NRXN3: variants seen among roughly 807,000 people sequenced by gnomAD.
The protein encoded by NRXN3 is neurexin 3.
A neutral mutation model predicts 137.6 loss-of-function variants in NRXN3; 32 were observed. The ratio of observed to expected loss-of-function variants is 0.23; its 90% CI spans 0.18 to 0.31. The LOEUF (loss-of-function observed/expected upper bound fraction) is 0.31, where lower values mean the gene tolerates loss of function less well. Ranked by LOEUF, NRXN3 falls within the 10% of genes least tolerant of loss-of-function variation. The pLI is 1.00. For synonymous variants in NRXN3, 798 were observed against 784.5 expected, an observed-to-expected ratio of 1.02 and a Z score of -0.29; for missense variants, 1,574 against 2,062.5, an observed-to-expected ratio of 0.76 and a Z score of 4.59.
chr14:78,580,949 T>C (rs564313139), intron 4 of NRXN3, among the ~76,000 whole-genome samples: 18 of 152,332 alleles, frequency 1.2e-4, no homozygotes, highest in African/African-American at 4.3e-4. Flanking sequence ...ACCATGACCC[T>C]TCCTGTCACA....
At chr14:79,400,101 A>G (rs1264366323) in intron 15 of NRXN3, among the ~76,000 whole-genome samples, 1 of 152,226 alleles carries the variant, frequency 6.6e-6, no homozygotes, top group Non-Finnish European at 1.5e-5. Context: ...ATATGACCTC[A>G]TTTAAACTAA....
chr14:79,427,539 G>T (rs571506960), intron 15 of NRXN3, among the ~76,000 whole-genome samples: 104 of 152,216 alleles, frequency 6.8e-4, no homozygotes, highest in Middle Eastern at 6.8e-3. Context: ...AAGTCTGGAC[G>T]CAGTGGCTCA....
chr14:79,528,668 AAGT>A (rs1369747659), intron 16 of NRXN3, among the ~76,000 whole-genome samples: 1 of 149,682 alleles, frequency 6.7e-6, no homozygotes, highest in Non-Finnish European at 1.5e-5. Context: ...TAAAAAAAAA[AAGT>A]AGTTTTTTTT....
At chr14:78,436,903 A>C (rs2094087063) in intron 4 of NRXN3, among the ~76,000 whole-genome samples, 1 of 152,212 alleles carries the variant, frequency 6.6e-6, no homozygotes, top group Non-Finnish European at 1.5e-5. Flanking sequence ...TATTTCATGT[A>C]ATATCCATGA....
chr14:79,029,666 A>C (rs1372908126), intron 15 of NRXN3, among the ~76,000 whole-genome samples: 1 of 152,146 alleles, frequency 6.6e-6, no homozygotes, highest in Non-Finnish European at 1.5e-5. Flanking sequence ...GCCTCTACAC[A>C]GTAGCTGCCA....
chr14:79,676,954 T>C (rs2154006465), intron 17 of NRXN3, among the ~76,000 whole-genome samples: 1 of 152,190 alleles, frequency 6.6e-6, no homozygotes, highest in Admixed American at 6.5e-5. Context: ...ACATAGTAGG[T>C]AATCAGTAAA....
chr14:79,747,730 C>T (rs1341009046), intron 19 of NRXN3, among the ~76,000 whole-genome samples: 1 of 152,080 alleles, frequency 6.6e-6, no homozygotes, highest in African/African-American at 2.4e-5. Context: ...AAAATCAAAG[C>T]ACTCTAGAGG....
intron 18 of NRXN3, among the ~76,000 whole-genome samples, chr14:79,694,264 C>T (rs1284408656): frequency 6.6e-6 from 1 of 151,864 alleles, no homozygotes; most frequent in Non-Finnish European, 1.5e-5. Flanking sequence ...AATAATACTG[C>T]CTATTCCCCA....
Position 79,549,012 on chromosome 14 carries a change from T to C in NRXN3, c.3444+81610T>C, listed in dbSNP as rs113908812. ...AGTGGCAGGTTAGGTCCATGGGAGA[T>C]TGGATTCCACTGTGATCAGCAAACA... is the stretch of plus-strand genomic sequence containing the variant. On this transcript the variant is annotated intron_variant, in intron 16 of 20. Coordinates refer to ENST00000335750, the MANE Select transcript of NRXN3 (RefSeq NM_001330195.2). 8.6e-4 allele frequency among the ~76,000 whole-genome samples: 131 copies of C among 152,154 alleles called. 3 individuals carry two copies. The Middle Eastern group carries it at 0.017, about 20-fold the overall frequency.
chr14:79,492,254 A>T (rs889128571), intron 16 of NRXN3, among the ~76,000 whole-genome samples: 1 of 152,240 alleles, frequency 6.6e-6, no homozygotes, highest in Non-Finnish European at 1.5e-5. Flanking sequence ...CACCCTAAAC[A>T]TAATTATATG....
chr14:78,484,150 A>AGAATGTTAAT (rs1189377110), intron 4 of NRXN3, among the ~76,000 whole-genome samples: 10 of 152,176 alleles, frequency 6.6e-5, no homozygotes, highest in African/African-American at 2.4e-4. Flanking sequence ...ATGTTAATGC[A>AGAATGTTAAT]GCTGCGGAAT....
At chr14:79,019,802 G>A (rs1187392558) in intron 15 of NRXN3, among the ~76,000 whole-genome samples, 11 of 152,136 alleles carry the variant, frequency 7.2e-5, no homozygotes, top group Non-Finnish European at 1.6e-4. Flanking sequence ...ACCAATGACA[G>A]TGGATTGGTG....
At chr14:78,685,138 T>A (rs961651862) in intron 6 of NRXN3, among the ~76,000 whole-genome samples, 6 of 152,216 alleles carry the variant, frequency 3.9e-5, no homozygotes, top group Admixed American at 2.0e-4. Context: ...TAAAGTGATC[T>A]GGGCATGAGT....
At chr14:79,251,226 C>G (rs1184073244) in intron 15 of NRXN3, among the ~76,000 whole-genome samples, 4 of 152,144 alleles carry the variant, frequency 2.6e-5, no homozygotes, top group Admixed American at 6.5e-5. Context: ...GTAGCAGGCC[C>G]TATTCGAGAA....
At chr14:79,256,805 GA>G (rs1324525240) in intron 15 of NRXN3, among the ~76,000 whole-genome samples, 3 of 152,038 alleles carry the variant, frequency 2.0e-5, no homozygotes, top group African/African-American at 7.2e-5. Context: ...TCTTCCTTTG[GA>G]AAAAGAACAA....
At chr14:78,415,428 T>C (rs1197569754) in intron 4 of NRXN3, among the ~76,000 whole-genome samples, 1 of 152,146 alleles carries the variant, frequency 6.6e-6, no homozygotes, top group Non-Finnish European at 1.5e-5. Context: ...AGTTGAGGGG[T>C]TGACTGGGTA....
chr14:79,532,042 T>A lies in NRXN3; in HGVS notation c.3444+64640T>A, dbSNP rs149641152. On this transcript the variant is annotated intron_variant, in intron 16 of 20. Coordinates refer to ENST00000335750, the MANE Select transcript of NRXN3 (RefSeq NM_001330195.2). ...GTGATCAGGGGTGAAAAGTGTCATT[T>A]CTGGGCTGAGGCAGTTTATAGTCAT... Among the ~76,000 whole-genome samples the A allele has an allele frequency of 1.4e-3, 211 of 152,284 alleles. 2 individuals carry two copies. The highest frequency in any genetic ancestry group is 4.8e-3 in the African/African-American group (200 of 41,560).
At chr14:79,797,154 A>T (rs1044724414) in intron 19 of NRXN3, among the ~76,000 whole-genome samples, 2 of 152,192 alleles carry the variant, frequency 1.3e-5, no homozygotes, top group African/African-American at 4.8e-5. Flanking sequence ...ATATTTTTTT[A>T]ATTCAGTTTT....
chr14:79,608,782 AT>A (rs1007417680), intron 16 of NRXN3, among the ~76,000 whole-genome samples: 55 of 150,236 alleles, frequency 3.7e-4, no homozygotes, highest in African/African-American at 8.8e-4. Flanking sequence ...CCATTTGTTG[AT>A]TTTTTTTTTC....
Sources: gnomAD v4.1 joint callset for allele counts (sites outside exome capture counted in the v4.1 genomes callset) on GRCh38, gnomAD v4.1.1 for gene constraint, MANE v1.5 for transcripts, NCBI Gene and HGNC (gene_info 2026-07-23, HGNC 2026-07-21) for gene names.